The following GALNT14 variants were observed in gnomAD, a reference collection of about 807,000 sequenced individuals.
GALNT14 encodes the protein UDP-GalNAc:polypeptide N-acetylgalactosaminyltransferase 14.
Under a neutral mutation model 77.5 loss-of-function variants are expected in GALNT14, and 60 were observed. That is an observed-to-expected ratio of 0.77 (90% CI 0.63 to 0.96). The LOEUF (loss-of-function observed/expected upper bound fraction) is 0.96. Ranked by LOEUF, GALNT14 falls within the 40% of genes least tolerant of loss-of-function variation. The pLI is 0.00. For missense variants in GALNT14, 710 were observed against 731.0 expected, an observed-to-expected ratio of 0.97 and a Z score of 0.33; for synonymous variants, 280 against 281.7, an observed-to-expected ratio of 0.99 and a Z score of 0.06.
At chr2:31,049,811 T>C (rs1267126529) in intron 1 of GALNT14, among the ~76,000 whole-genome samples, 1 of 152,206 alleles carries the variant, frequency 6.6e-6, no homozygotes, top group Non-Finnish European at 1.5e-5. Context: ...CACATTAAAC[T>C]TTACTACAAC....
At chr2:31,076,630 T>TA (rs1553373510) in intron 1 of GALNT14, among the ~76,000 whole-genome samples, 7,371 of 87,014 alleles carry the variant, frequency 0.085, 194 homozygotes, top group Middle Eastern at 0.1. Context: ...TATATATATA[T>TA]TTTTTTTTTT....
the GALNT14 span, among the ~76,000 whole-genome samples, chr2:30,899,348 C>A: frequency 4.6e-5 from 7 of 152,204 alleles, no homozygotes; most frequent in South Asian, 1.4e-3. Context: ...CTCTGGGAAG[C>A]TGGAATTTCT....
chr2:30,977,487 G>C (rs1325193552), intron 2 of GALNT14, among the ~76,000 whole-genome samples: 2 of 152,142 alleles, frequency 1.3e-5, no homozygotes, highest in East Asian at 3.9e-4. Context: ...CTAAAGCATA[G>C]TATCTCCCCT....
intron 1 of GALNT14, among the ~76,000 whole-genome samples, chr2:31,109,317 G>C (rs1677721401): frequency 6.6e-6 from 1 of 152,182 alleles, no homozygotes. Flanking sequence ...ACATTTCTCT[G>C]AATTGCCCAC....
chr2:30,942,171 A>C (rs1397963786), intron 9 of GALNT14, 30 bp downstream of exon 9: 1 of 1,511,768 alleles, frequency 6.6e-7, no homozygotes, highest in Non-Finnish European at 9.2e-7. Flanking sequence ...ATAGAACAGC[A>C]TAGGTCAGGA....
At chr2:31,037,032 T>C (rs1417074383) in intron 1 of GALNT14, among the ~76,000 whole-genome samples, 1 of 152,228 alleles carries the variant, frequency 6.6e-6, no homozygotes, top group Non-Finnish European at 1.5e-5. Flanking sequence ...ATGTTTTTCA[T>C]AAATTTGAGG....
intron 1 of GALNT14, among the ~76,000 whole-genome samples, chr2:31,043,363 C>T (rs1163037640): frequency 6.6e-6 from 1 of 152,142 alleles, no homozygotes; most frequent in African/African-American, 2.4e-5. Flanking sequence ...GGCTATCCTC[C>T]CTTGCTAAAA....
Position 30,924,733 on chromosome 2 carries a change from C to T in GALNT14, c.1235+7G>A, listed in dbSNP as rs147524405. 6.2e-5 allele frequency: 100 copies of T among 1,612,558 alleles called. No individual in the cohort carries two copies. Among genetic ancestry groups the T allele is most frequent in the South Asian group, 2.1e-4 (19 of 90,984 alleles). ...CCAGCCAAAGCTCCAACAGGTAGGACGGATACCTGAGTTCAGGGTAGATAT... is the reference window on the plus strand; with the variant it reads ...CCAGCCAAAGCTCCAACAGGTAGGATGGATACCTGAGTTCAGGGTAGATAT... On this transcript the variant is annotated splice_region_variant and intron_variant, in intron 12 of 14. Transcript: ENST00000349752.
chr2:30,937,006 G>A (rs934406312), intron 9 of GALNT14, among the ~76,000 whole-genome samples: 13 of 152,208 alleles, frequency 8.5e-5, no homozygotes, highest in Admixed American at 7.9e-4. Flanking sequence ...TGGGGCTTTA[G>A]CCAGTAGCTC....
chr2:31,024,413 A>G (rs777345658), intron 1 of GALNT14, among the ~76,000 whole-genome samples: 6 of 152,044 alleles, frequency 3.9e-5, no homozygotes, highest in Non-Finnish European at 7.4e-5. Flanking sequence ...ACGGTGGCCC[A>G]AAGTCCCCTC....
chr2:30,966,694 T>C (rs1668031312), intron 2 of GALNT14, among the ~76,000 whole-genome samples: 1 of 152,262 alleles, frequency 6.6e-6, no homozygotes, highest in South Asian at 2.1e-4. Flanking sequence ...CCCACACCAC[T>C]GGCCAGTGGG....
At chr2:31,012,466 T>G (rs547348753) in intron 1 of GALNT14, among the ~76,000 whole-genome samples, 1 of 151,870 alleles carries the variant, frequency 6.6e-6, no homozygotes, top group East Asian at 1.9e-4. Context: ...CTCTGAGAGG[T>G]TGGTAATAAA....
intron 1 of GALNT14, among the ~76,000 whole-genome samples, chr2:31,100,702 TA>T (rs35213261): frequency 0.16 from 23,351 of 149,182 alleles, 3,389 homozygotes; most frequent in African/African-American, 0.39. Flanking sequence ...TTTAGCCTGT[TA>T]AAAAAAAAAA....
At chr2:31,125,019 T>C (rs1678634268) in intron 1 of GALNT14, 1 of 638,404 alleles carries the variant, frequency 1.6e-6, no homozygotes, top group Admixed American at 2.7e-5. Flanking sequence ...TCCTGCTGGA[T>C]GCAACTTCTC....
the GALNT14 span, among the ~76,000 whole-genome samples, chr2:30,897,313 C>G: frequency 7.2e-5 from 11 of 152,228 alleles, no homozygotes; most frequent in East Asian, 1.9e-3. Flanking sequence ...AAGACTCCTG[C>G]CCCCGGTTTG....
At chr2:31,100,571 G>T (rs6760378) in intron 1 of GALNT14, among the ~76,000 whole-genome samples, 66,670 of 151,590 alleles carry the variant, frequency 0.44, 15,062 homozygotes, top group Middle Eastern at 0.48. Flanking sequence ...GCATTGGTAA[G>T]TATCACCTGT....
At chr2:30,962,938 A>C (rs1667781323) in intron 3 of GALNT14, among the ~76,000 whole-genome samples, 1 of 152,184 alleles carries the variant, frequency 6.6e-6, no homozygotes. Flanking sequence ...ATAGAATCTT[A>C]AGGCATGGAA....
At chr2:30,903,347 G>C in the GALNT14 span, among the ~76,000 whole-genome samples, 1 of 152,228 alleles carries the variant, frequency 6.6e-6, no homozygotes, top group Non-Finnish European at 1.5e-5. Context: ...AATTCTTTGA[G>C]TGCTGGCTAC....
intron 1 of GALNT14, among the ~76,000 whole-genome samples, chr2:31,131,479 C>T (rs1440265507): frequency 1.3e-5 from 2 of 152,124 alleles, no homozygotes; most frequent in East Asian, 3.9e-4. Context: ...GGGGATCTGG[C>T]CCTGCTTTCT....
Sources: gnomAD v4.1 joint callset for allele counts (sites outside exome capture counted in the v4.1 genomes callset) on GRCh38, gnomAD v4.1.1 for gene constraint, MANE v1.5 for transcripts, NCBI Gene and HGNC (gene_info 2026-07-23, HGNC 2026-07-21) for gene names.